The following DSCAM variants were observed in gnomAD, a reference collection of about 807,000 sequenced individuals.
DSCAM encodes the protein DS cell adhesion molecule, also known as cell adhesion molecule DSCAM.
A neutral mutation model predicts 217.7 loss-of-function variants in DSCAM; 47 were observed. That is an observed-to-expected ratio of 0.22 (90% CI 0.17 to 0.28). The LOEUF is 0.28. Ranked by LOEUF, DSCAM falls within the 10% of genes least tolerant of loss-of-function variation. The pLI is 1.00. For synonymous variants in DSCAM, 1,056 were observed against 1,015.3 expected (o/e 1.04, Z -0.76); for missense variants, 2,080 against 2,618.3 (o/e 0.79, Z 4.49).
chr21:40,662,031 T>A (rs918946308), intron 3 of DSCAM, among the ~76,000 whole-genome samples: 2 of 152,202 alleles, frequency 1.3e-5, no homozygotes, highest in Non-Finnish European at 1.5e-5. Flanking sequence ...TAAAGTAACA[T>A]GCCCAGCCTT....
At chr21:40,773,867 G>A (rs2091466937) in intron 1 of DSCAM, among the ~76,000 whole-genome samples, 1 of 152,212 alleles carries the variant, frequency 6.6e-6, no homozygotes, top group South Asian at 2.1e-4. Flanking sequence ...CAGGCAGGAT[G>A]AATTTAGATG....
At chr21:40,213,468 G>A (rs1747721567) in intron 11 of DSCAM, among the ~76,000 whole-genome samples, 1 of 152,234 alleles carries the variant, frequency 6.6e-6, no homozygotes, top group African/African-American at 2.4e-5. Context: ...CTGTTAGGAA[G>A]TCTTGTTTCC....
At chr21:40,049,172 G>A (rs1029831089) in intron 30 of DSCAM, among the ~76,000 whole-genome samples, 1 of 152,162 alleles carries the variant, frequency 6.6e-6, no homozygotes, top group African/African-American at 2.4e-5. Context: ...GTGTTTCCCT[G>A]TGATCATCAG....
intron 1 of DSCAM, among the ~76,000 whole-genome samples, chr21:40,729,870 A>G (rs1343937441): frequency 8.5e-5 from 13 of 152,234 alleles, no homozygotes. Flanking sequence ...CAACTGCACT[A>G]CAACCAAATC....
At chr21:40,828,462 G>T (rs930046624) in intron 1 of DSCAM, among the ~76,000 whole-genome samples, 67 of 151,974 alleles carry the variant, frequency 4.4e-4, no homozygotes, top group Admixed American at 1.3e-4. Flanking sequence ...AGCCTCAAAG[G>T]GCTTACCTGC....
At chr21:40,553,805 C>G (rs1270776074) in intron 3 of DSCAM, among the ~76,000 whole-genome samples, 2 of 152,050 alleles carry the variant, frequency 1.3e-5, no homozygotes, top group Non-Finnish European at 2.9e-5. Flanking sequence ...GTGACAGAGT[C>G]ATAGGATCAC....
intron 17 of DSCAM, among the ~76,000 whole-genome samples, chr21:40,143,390 A>G (rs927940341): frequency 6.6e-6 from 1 of 152,244 alleles, no homozygotes; most frequent in Non-Finnish European, 1.5e-5. Flanking sequence ...GACTATTGCA[A>G]TTATGAAGAT....
chr21:40,533,533 CCATCCATCCATT>C (rs199620398), intron 3 of DSCAM, among the ~76,000 whole-genome samples: 98,314 of 141,450 alleles, frequency 0.7, 35,858 homozygotes, highest in Non-Finnish European at 0.82. Flanking sequence ...ATCTGTCCAT[CCATCCATCCATT>C]CATCCATCCA....
chr21:40,686,376 C>T (rs2090478185), intron 3 of DSCAM, among the ~76,000 whole-genome samples: 1 of 151,626 alleles, frequency 6.6e-6, no homozygotes, highest in Non-Finnish European at 1.5e-5. Context: ...ACACTACACA[C>T]ACATACAAAC....
chr21:40,643,138 G>A (rs1042473984), intron 3 of DSCAM, among the ~76,000 whole-genome samples: 1 of 152,166 alleles, frequency 6.6e-6, no homozygotes, highest in Non-Finnish European at 1.5e-5. Flanking sequence ...CCAGAGTGCA[G>A]CTCAGATATG....
intron 1 of DSCAM, among the ~76,000 whole-genome samples, chr21:40,825,243 G>C (rs1308689935): frequency 2.6e-5 from 4 of 151,454 alleles, no homozygotes; most frequent in Non-Finnish European, 5.9e-5. Flanking sequence ...GTGCATATAG[G>C]TGTTCAGTGA....
intron 3 of DSCAM, among the ~76,000 whole-genome samples, chr21:40,396,324 G>A (rs997809942): frequency 6.6e-6 from 1 of 152,074 alleles, no homozygotes; most frequent in African/African-American, 2.4e-5. Context: ...TCACCATCAC[G>A]CCAACTTCTG....
chr21:40,234,019 G>T (rs1279915486), intron 11 of DSCAM, among the ~76,000 whole-genome samples: 1 of 152,184 alleles, frequency 6.6e-6, no homozygotes, highest in Non-Finnish European at 1.5e-5. Context: ...GATGCCTGCA[G>T]TCCTTCTTAA....
intron 1 of DSCAM, among the ~76,000 whole-genome samples, chr21:40,809,253 A>G (rs537199441): frequency 3.9e-5 from 6 of 152,072 alleles, no homozygotes; most frequent in African/African-American, 1.4e-4. Flanking sequence ...AGCTCATAAG[A>G]CTGGACAAGG....
intron 3 of DSCAM, among the ~76,000 whole-genome samples, chr21:40,446,204 A>G (rs1013765801): frequency 2.0e-5 from 3 of 152,236 alleles, no homozygotes; most frequent in African/African-American, 7.2e-5. Flanking sequence ...TAGGTCTAAT[A>G]CCACTGTTTA....
intron 1 of DSCAM, among the ~76,000 whole-genome samples, chr21:40,818,002 A>G (rs955618871): frequency 6.9e-6 from 1 of 145,804 alleles, no homozygotes; most frequent in Non-Finnish European, 1.5e-5. Flanking sequence ...AGGCTGAGGC[A>G]GGAGAATGGC....
At chr21:40,185,867 C>T (rs969910043) in intron 14 of DSCAM, among the ~76,000 whole-genome samples, 19 of 152,254 alleles carry the variant, frequency 1.2e-4, no homozygotes, top group African/African-American at 3.9e-4. Flanking sequence ...ACCCCTGAGC[C>T]CAGGGCCCTG....
At chr21:40,124,070 G>A (rs1452395320) in intron 20 of DSCAM, 125 bp downstream of exon 20, 1 of 1,339,542 alleles carries the variant, frequency 7.5e-7, no homozygotes, top group Non-Finnish European at 1.0e-6. Flanking sequence ...GACAGCAGGG[G>A]CAAAACAAAA....
In DSCAM at chr21:40,017,788, G is replaced by A. The variant is rs529345370; in HGVS notation, c.5687-4402C>T. ...GCTGGTCTCATATTCCTGACCTCGG[G>A]TGATCCACCCGCCTCAGCCTCCCAA... is the stretch of plus-strand genomic sequence containing the variant. On this transcript the variant is annotated intron_variant, in intron 32 of 32. Coordinates refer to ENST00000400454, the MANE Select transcript of DSCAM (RefSeq NM_001389.5). Among the ~76,000 whole-genome samples, 7 of 152,306 alleles carry A rather than the reference G, an allele frequency of 4.6e-5. No individual in the cohort carries two copies. In the East Asian group the frequency reaches 1.2e-3, roughly 25 times the overall value.
Sources: gnomAD v4.1 joint callset for allele counts (sites outside exome capture counted in the v4.1 genomes callset) on GRCh38, gnomAD v4.1.1 for gene constraint, MANE v1.5 for transcripts, NCBI Gene and HGNC (gene_info 2026-07-23, HGNC 2026-07-21) for gene names.